The following MON1A variants were observed in gnomAD, a reference collection of about 807,000 sequenced individuals.
The protein encoded by MON1A is MON1 vesicular trafficking associated A, also known as vacuolar fusion protein MON1 homolog A.
In MON1A, 29 loss-of-function variants were observed where a neutral mutation model predicts 44.6. The observed-to-expected ratio is 0.65, with a 90% CI of 0.48 to 0.89. MON1A has a LOEUF of 0.89. MON1A is among the 40% of genes least tolerant of loss of function. The pLI is 0.00. For missense variants in MON1A, 615 were observed against 759.6 expected, an observed-to-expected ratio of 0.81 and a Z score of 2.24; for synonymous variants, 275 against 316.4, an observed-to-expected ratio of 0.87 and a Z score of 1.39.
chr3:49,928,154 G>A (rs1032389121), intron 1 of MON1A, among the ~76,000 whole-genome samples: 2 of 152,188 alleles, frequency 1.3e-5, no homozygotes, highest in African/African-American at 4.8e-5. Context: ...AGAGCTAGTG[G>A]ATGCTTCCTT....
intron 1 of MON1A, among the ~76,000 whole-genome samples, chr3:49,914,049 T>A (rs2108532969): frequency 6.6e-6 from 1 of 151,698 alleles, no homozygotes; most frequent in East Asian, 1.9e-4. Flanking sequence ...GCCTTCCCAG[T>A]AGCACATGCC....
In MON1A at chr3:49,920,126, T is replaced by A. The variant is rs151160597; in HGVS notation, c.-13-6767A>T. ...AACCAGTTCTGAACAGAATCTCACCTCCATTACTCCATCAACACTGCTCCC... is the reference window on the plus strand; with the variant it reads ...AACCAGTTCTGAACAGAATCTCACCACCATTACTCCATCAACACTGCTCCC... On this transcript the variant is annotated intron_variant, in intron 1 of 5. Coordinates refer to ENST00000296473, the MANE Select transcript of MON1A (RefSeq NM_032355.4). 7.0e-3 allele frequency among the ~76,000 whole-genome samples: 1,070 copies of A among 152,286 alleles called. 3 individuals carry two copies. The highest frequency in any genetic ancestry group is 0.012 in the Non-Finnish European group (786 of 68,026).
At chr3:49,921,167 T>C (rs893067386) in intron 1 of MON1A, among the ~76,000 whole-genome samples, 1 of 151,436 alleles carries the variant, frequency 6.6e-6, no homozygotes, top group African/African-American at 2.4e-5. Context: ...CTTTTTTTTT[T>C]CTTTTTTTGA....
chr3:49,929,691 G>T lies in MON1A; in HGVS notation c.-96C>A. The T allele has an allele frequency of 1.3e-6, 2 of 1,550,762 alleles. No individual in the cohort carries two copies. Among genetic ancestry groups the T allele is most frequent in the East Asian group, 2.4e-5 (1 of 40,902 alleles). ...ACCCATGGAGGGGTAAGGGTGTCCG[G>T]CCGGGGCCGGCCTGAGGGCACAGCT... is the stretch of plus-strand genomic sequence containing the variant. On this transcript the variant is annotated 5_prime_UTR_variant, in exon 1 of 6. Coordinates refer to ENST00000296473, the MANE Select transcript of MON1A (RefSeq NM_032355.4).
intron 1 of MON1A, chr3:49,916,601 G>A (rs73834127): frequency 0.021 from 3,197 of 152,400 alleles, 140 homozygotes; most frequent in African/African-American, 0.074. Flanking sequence ...AAGAAAGAAG[G>A]TTGGGGAGAT....
chr3:49,910,625 C>T lies in MON1A; in HGVS notation c.873G>A (p.Gly291=). Residue 291 remains glycine, a synonymous_variant, in exon 4 of 6, where the codon GGG becomes GGA. Transcript: ENST00000296473. This position sits in a 1 kb window ranked among gnomAD's most constrained non-coding sequence, Gnocchi z 8.0. ...CCGCCAGGGGCAGGCACCGTGCCGC[C>T]CCCATCAGGAAGCTGGGGTCTCGTG... The part of the protein sequence containing the change: ...LMARDPSFLM[G]AARCLPLAAA... 1.9e-6 allele frequency: 3 copies of T among 1,603,284 alleles called. No homozygotes were observed. Among genetic ancestry groups the T allele is most frequent in the Non-Finnish European group, 2.6e-6 (3 of 1,173,814 alleles).
At chr3:49,924,202 A>G (rs2083029370) in intron 1 of MON1A, 3 of 152,170 alleles carry the variant, frequency 2.0e-5, no homozygotes, top group South Asian at 4.1e-4. Flanking sequence ...ATACAGGCAC[A>G]TCCAGCAAAA....
rs780141989 is a variant in MON1A, at chr3:49,911,778, G to A, written c.361C>T (p.Leu121=). ...EMLPGSSEDW[L]EPPGAVGRPA... ...CGCCCAACTGCCCCTGGGGGTTCCA[G>A]CCAATCCTCAGAGCTTCCTGGCAGC... Residue 121 remains leucine, a synonymous_variant, in exon 3 of 6, where the codon CTG becomes TTG. Transcript: ENST00000296473. The surrounding 1 kb of genome is among the most constrained non-coding windows in gnomAD (Gnocchi z 5.7). The A allele has an allele frequency of 5.6e-5, 91 of 1,613,454 alleles. No homozygotes were observed. Among genetic ancestry groups the A allele is most frequent in the Non-Finnish European group, 7.5e-5 (88 of 1,179,830 alleles).
At chr3:49,927,382 G>A (rs973612241) in intron 1 of MON1A, among the ~76,000 whole-genome samples, 1 of 152,198 alleles carries the variant, frequency 6.6e-6, no homozygotes, top group Non-Finnish European at 1.5e-5. Flanking sequence ...TACATACTCA[G>A]TTGCTCCCAT....
intron 1 of MON1A, chr3:49,924,439 G>A: frequency 4.6e-6 from 1 of 215,074 alleles, no homozygotes; most frequent in South Asian, 4.3e-5. Context: ...AGCACTTTGG[G>A]AGGCCAGGAT....
intron 1 of MON1A, among the ~76,000 whole-genome samples, chr3:49,924,273 G>T (rs1019448423): frequency 6.6e-6 from 1 of 152,094 alleles, no homozygotes; most frequent in Non-Finnish European, 1.5e-5. Flanking sequence ...CAGCTTGGTT[G>T]TCAGCCTTCA....
Position 49,909,724 on chromosome 3 carries a change from T to C in MON1A, c.1380-324A>G. 1 of 362,660 alleles carries C rather than the reference T, an allele frequency of 2.8e-6. No homozygotes were observed. Among genetic ancestry groups the C allele is most frequent in the South Asian group, 5.3e-5 (1 of 19,008 alleles). The allele number at this position is 362,660 out of a possible 1,614,324, so 22.5% of individuals were successfully genotyped here. ...TAGAGGAAAGGTGAGCTAGGAATCC[T>C]GTGGGCCAAAAGGGACAAAGGGAGG... On this transcript the variant is annotated intron_variant, in intron 4 of 5. Coordinates refer to ENST00000296473, the MANE Select transcript of MON1A (RefSeq NM_032355.4). The surrounding 1 kb of genome is among the most constrained non-coding windows in gnomAD (Gnocchi z 4.0).
chr3:49,924,366 C>G (rs1017348761), intron 1 of MON1A, among the ~76,000 whole-genome samples: 3 of 152,072 alleles, frequency 2.0e-5, no homozygotes, highest in African/African-American at 7.2e-5. Context: ...ACCTATGCAA[C>G]CAATAGGACA....
At chr3:49,919,323 C>T (rs1178997618) in intron 1 of MON1A, among the ~76,000 whole-genome samples, 2 of 152,130 alleles carry the variant, frequency 1.3e-5, no homozygotes, top group Non-Finnish European at 2.9e-5. Context: ...CTCTACATTC[C>T]CCACTAGCTA....
At chr3:49,912,476 A>C in intron 2 of MON1A, 1 of 165,292 alleles carries the variant, frequency 6.0e-6, no homozygotes, top group Non-Finnish European at 1.3e-5. Flanking sequence ...CACTCTATAT[A>C]TCCCTTTTTG....
intron 1 of MON1A, among the ~76,000 whole-genome samples, chr3:49,914,000 T>C (rs2108532934): frequency 6.6e-6 from 1 of 152,088 alleles, no homozygotes; most frequent in East Asian, 1.9e-4. Flanking sequence ...CACAGCTCAC[T>C]GCAGCCTTGA....
intron 1 of MON1A, among the ~76,000 whole-genome samples, chr3:49,926,347 C>G (rs1358141967): frequency 6.6e-6 from 1 of 152,324 alleles, no homozygotes; most frequent in East Asian, 1.9e-4. Context: ...CAAGCATTAC[C>G]TTATCAATAT....
At chr3:49,917,519 ACCTGGTGAT>A (rs2082955768) in intron 1 of MON1A, among the ~76,000 whole-genome samples, 1 of 150,042 alleles carries the variant, frequency 6.7e-6, no homozygotes, top group Non-Finnish European at 1.5e-5. Flanking sequence ...CGATCTCCTG[ACCTGGTGAT>A]CCACCCGCCT....
chr3:49,921,495 G>A (rs1273716914), intron 1 of MON1A, among the ~76,000 whole-genome samples: 1 of 151,030 alleles, frequency 6.6e-6, no homozygotes, highest in African/African-American at 2.4e-5. Context: ...AAAAGGCCGG[G>A]TGCAGTGGCT....
Sources: gnomAD v4.1 joint callset for allele counts (sites outside exome capture counted in the v4.1 genomes callset) on GRCh38, gnomAD v4.1.1 for gene constraint, Gnocchi (gnomAD v3.1) non-coding constraint, MANE v1.5 for transcripts, NCBI Gene and HGNC (gene_info 2026-07-23, HGNC 2026-07-21) for gene names.